The following RPL34 variants were observed in gnomAD, a reference collection of about 807,000 sequenced individuals.
RPL34 encodes the protein ribosomal protein L34, also known as large ribosomal subunit protein eL34.
RPL34 carries 2 observed loss-of-function variants against 16.3 expected under a neutral mutation model. The ratio of observed to expected loss-of-function variants is 0.12; its 90% CI spans 0.05 to 0.39. The LOEUF (loss-of-function observed/expected upper bound fraction) is 0.39, where lower values mean the gene tolerates loss of function less well. RPL34 is among the 10% of genes least tolerant of loss of function. RPL34 has a pLI of 0.99. For synonymous variants in RPL34, 47 were observed against 48.5 expected, an observed-to-expected ratio of 0.97 and a Z score of 0.13; for missense variants, 82 against 148.8, an observed-to-expected ratio of 0.55 and a Z score of 2.33.
At chr4:108,627,105 G>A (rs1434479663), downstream of RPL34, among the ~76,000 whole-genome samples, 1 of 152,106 alleles carries the variant, frequency 6.6e-6, no homozygotes, top group Non-Finnish European at 1.5e-5. Context: ...TGGGCGTGGT[G>A]GTATGCGTCT....
rs1725965728 is a variant in RPL34, at chr4:108,625,367, G to GTT, written c.*156_*157dup. 1 of 521,296 alleles carries GTT rather than the reference G, an allele frequency of 1.9e-6. No individual in the cohort carries two copies. Among genetic ancestry groups the GTT allele is most frequent in the Non-Finnish European group, 3.4e-6 (1 of 293,074 alleles). The allele number at this position is 521,296 out of a possible 1,614,324, so 32.3% of individuals were successfully genotyped here. On this transcript the variant is annotated 3_prime_UTR_variant, in exon 5 of 5. Coordinates refer to ENST00000394667, the MANE Select transcript of RPL34 (RefSeq NM_001319236.2). ...CAGATTACTTTTTCTTGTTTTGTTT[G>GTT]TTGTTTGTTTGTTTTTGGTTTGGTT...
chr4:108,621,447 AT>A (rs1725768384), intron 1 of RPL34: 1 of 161,028 alleles, frequency 6.2e-6, no homozygotes, highest in East Asian at 1.8e-4. Flanking sequence ...GAACCCTGAT[AT>A]GTGCCAGGCA....
chr4:108,625,113 T>A lies in RPL34; in HGVS notation c.270-15T>A. The A allele has an allele frequency of 6.4e-7, 1 of 1,560,922 alleles. No individual in the cohort carries two copies. Among genetic ancestry groups the A allele is most frequent in the East Asian group, 2.2e-5 (1 of 44,644 alleles). ...CATTTTAAAGAAATGATTAATTTGG[T>A]ATTTTCCTTTCTAGGATCAAGCGTG... is the stretch of plus-strand genomic sequence containing the variant. On this transcript the variant is annotated splice_polypyrimidine_tract_variant and intron_variant, in intron 4 of 4. Transcript: ENST00000394667.
chr4:108,628,979 C>G (rs1341584112), downstream of RPL34, among the ~76,000 whole-genome samples: 1 of 152,082 alleles, frequency 6.6e-6, no homozygotes, highest in African/African-American at 2.4e-5. Flanking sequence ...GCCACCACAT[C>G]TGGCTAATTT....
At chr4:108,625,053 G>A in intron 4 of RPL34, 75 bp from the exon 5 acceptor site, 1 of 997,724 alleles carries the variant, frequency 1.0e-6, no homozygotes, top group Non-Finnish European at 1.6e-6. Context: ...TCTTTACCAT[G>A]TTTGCCTTCT....
intron 1 of RPL34, 193 bp from the exon 2 acceptor site, chr4:108,621,753 AAAGCT>A (rs2110362571): frequency 1.9e-6 from 1 of 517,424 alleles, no homozygotes; most frequent in East Asian, 3.4e-5. Flanking sequence ...TACCATCAGG[AAAGCT>A]AACATTCTTG....
intron 4 of RPL34, 40 bp downstream of exon 4, chr4:108,622,658 TTG>T: frequency 1.6e-6 from 2 of 1,281,306 alleles, no homozygotes; most frequent in African/African-American, 3.0e-5. Flanking sequence ...TAGCAAATTA[TTG>T]TGTGTGTTAT....
At chr4:108,625,061 T>C in intron 4 of RPL34, 67 bp from the exon 5 acceptor site, 1 of 1,117,294 alleles carries the variant, frequency 9.0e-7, no homozygotes, top group Non-Finnish European at 1.3e-6. Flanking sequence ...ATGTTTGCCT[T>C]CTCTGTGCTA....
At chr4:108,626,948 A>C (rs983559308), downstream of RPL34, among the ~76,000 whole-genome samples, 4 of 152,030 alleles carry the variant, frequency 2.6e-5, no homozygotes, top group African/African-American at 9.7e-5. Flanking sequence ...ACATAAGAAC[A>C]TGCTTTTCTG....
At chr4:108,621,079 C>G (rs917558227) in intron 1 of RPL34, 5 of 152,086 alleles carry the variant, frequency 3.3e-5, no homozygotes. Flanking sequence ...TTTGGAGATG[C>G]AAACAGAATA....
intron 1 of RPL34, chr4:108,621,749 C>A: frequency 2.0e-6 from 1 of 509,312 alleles, no homozygotes; most frequent in Non-Finnish European, 3.6e-6. Flanking sequence ...TGATTACCAT[C>A]AGGAAAGCTA....
downstream of RPL34, among the ~76,000 whole-genome samples, chr4:108,626,583 C>T (rs1006491519): frequency 1.3e-4 from 19 of 151,602 alleles, no homozygotes; most frequent in Admixed American, 2.6e-4. Flanking sequence ...GGATTACAGG[C>T]GCCCACCACC....
At chr4:108,629,140 T>C (rs1490602038), downstream of RPL34, among the ~76,000 whole-genome samples, 1 of 152,100 alleles carries the variant, frequency 6.6e-6, no homozygotes, top group Non-Finnish European at 1.5e-5. Context: ...TTTTTAATAG[T>C]TGAATGTTTT....
In RPL34 at chr4:108,620,596, T is replaced by A. The variant is rs999462339; in HGVS notation, c.-14T>A. 2 of 319,236 alleles carry A rather than the reference T, an allele frequency of 6.3e-6. No homozygotes were observed. Among genetic ancestry groups the A allele is most frequent in the Non-Finnish European group, 1.3e-5 (2 of 158,854 alleles). The allele number at this position is 319,236 out of a possible 1,614,324, so 19.8% of individuals were successfully genotyped here. A position where few individuals can be genotyped will look rare whatever the true frequency, so the allele number is the denominator to read the frequency against. ...TTCTTCCTCTTCCGGGGACGTTGTC[T>A]GCAGGTATGGATGTTGTTCTCTTTT... On this transcript the variant is annotated 5_prime_UTR_variant, in exon 1 of 5. Coordinates refer to ENST00000394667, the MANE Select transcript of RPL34 (RefSeq NM_001319236.2).
intron 1 of RPL34, 62 bp from the exon 2 acceptor site, chr4:108,621,889 G>GT: frequency 9.0e-7 from 1 of 1,114,706 alleles, no homozygotes; most frequent in Non-Finnish European, 1.4e-6. Flanking sequence ...ACATGATACT[G>GT]TTTTGAGATT....
intron 4 of RPL34, among the ~76,000 whole-genome samples, chr4:108,624,311 T>C (rs1018910494): frequency 6.6e-6 from 1 of 151,994 alleles, no homozygotes; most frequent in Non-Finnish European, 1.5e-5. Context: ...ATGGGGGAGA[T>C]TTGAAGAAAT....
chr4:108,629,911 A>C (rs1369508071), downstream of RPL34: 3 of 152,308 alleles, frequency 2.0e-5, no homozygotes, highest in East Asian at 5.8e-4. Flanking sequence ...AAACCAACTA[A>C]AATCACATAT....
At chr4:108,625,822 G>A (rs1196395206), downstream of RPL34, among the ~76,000 whole-genome samples, 1 of 152,156 alleles carries the variant, frequency 6.6e-6, no homozygotes, top group African/African-American at 2.4e-5. Context: ...GGGAGGAATG[G>A]CCCTTCTATT....
At chr4:108,622,652 A>C (rs1359973830) in intron 4 of RPL34, 34 bp downstream of exon 4, 1 of 1,350,860 alleles carries the variant, frequency 7.4e-7, no homozygotes, top group East Asian at 2.3e-5. Context: ...TTTCCTTAGC[A>C]AATTATTGTG....
Sources: allele counts gnomAD v4.1 joint callset (sites outside exome capture counted in the v4.1 genomes callset), GRCh38; gene constraint gnomAD v4.1.1; transcripts MANE v1.5; gene names NCBI Gene and HGNC (gene_info 2026-07-23, HGNC 2026-07-21).